RET: variants seen among roughly 807,000 people sequenced by gnomAD.
RET encodes proto-oncogene tyrosine-protein kinase receptor Ret.
RET carries 19 observed loss-of-function variants against 118.3 expected under a neutral mutation model. That is an observed-to-expected ratio of 0.16 (90% CI 0.11 to 0.24). The LOEUF (loss-of-function observed/expected upper bound fraction) is 0.24, where lower values mean the gene tolerates loss of function less well. Among genes scored for constraint, RET ranks in the 10% least tolerant of loss-of-function variants. The pLI is 1.00. For synonymous variants in RET, 597 were observed against 644.1 expected (o/e 0.93, Z 1.11); for missense variants, 1,219 against 1,502.1 (o/e 0.81, Z 3.12).
chr10:43,113,505 CT>C, intron 9 of RET, 50 bp from the exon 10 acceptor site: 1 of 1,559,716 alleles, frequency 6.4e-7, no homozygotes, highest in Non-Finnish European at 8.6e-7. Flanking sequence ...ATATGGGCGC[CT>C]GGGGTGGTCA....
intron 1 of RET, among the ~76,000 whole-genome samples, chr10:43,099,231 C>G (rs12265959): frequency 6.6e-6 from 1 of 152,076 alleles, no homozygotes; most frequent in African/African-American, 2.4e-5. Flanking sequence ...ATAGATAGGC[C>G]GGGCACGGTG....
Position 43,109,282 on chromosome 10 carries a change from TG to T in RET, c.1263+57del, listed in dbSNP as rs34903010. 1.0e-3 allele frequency: 1,636 copies of T among 1,572,882 alleles called. 18 individuals carry two copies. In the African/African-American group the frequency reaches 0.02, roughly 19 times the overall value. On this transcript the variant is annotated intron_variant, in intron 6 of 19. Coordinates refer to ENST00000355710, the MANE Select transcript of RET (RefSeq NM_020975.6). ...GGGAAGATTGAAAGGCCAAGGGACA[TG>T]GGGGCACAGGGAGGCAGGTGACACT...
intron 1 of RET, among the ~76,000 whole-genome samples, chr10:43,081,184 C>A (rs1011192257): frequency 1.3e-5 from 2 of 150,940 alleles, no homozygotes; most frequent in African/African-American, 2.4e-5. Flanking sequence ...AGAAGTGGGC[C>A]CCCCCCATCC....
intron 1 of RET, among the ~76,000 whole-genome samples, chr10:43,087,725 T>C (rs919722930): frequency 6.6e-6 from 1 of 152,206 alleles, no homozygotes; most frequent in Non-Finnish European, 1.5e-5. Context: ...AGCAGGGTTA[T>C]AAATACAACA....
intron 1 of RET, among the ~76,000 whole-genome samples, chr10:43,088,747 C>A (rs537903284): frequency 5.3e-5 from 8 of 152,182 alleles, no homozygotes; most frequent in Non-Finnish European, 1.0e-4. Context: ...TTCTCTCCAT[C>A]ACCCAGATGG....
chr10:43,088,092 G>T (rs59709975), intron 1 of RET, among the ~76,000 whole-genome samples: 7,521 of 151,946 alleles, frequency 0.049, 231 homozygotes, highest in African/African-American at 0.084. Flanking sequence ...ACGTGATAGG[G>T]ATATTGATGG....
Position 43,096,497 on chromosome 10 carries a change from C to T in RET, c.74-3962C>T, listed in dbSNP as rs530231580. 1.1e-4 allele frequency among the ~76,000 whole-genome samples: 16 copies of T among 152,306 alleles called. No individual in the cohort carries two copies. In the South Asian group the frequency reaches 3.3e-3, roughly 32 times the overall value. On this transcript the variant is annotated intron_variant, in intron 1 of 19. Coordinates refer to ENST00000355710, the MANE Select transcript of RET (RefSeq NM_020975.6). ...AATGGGCAGTGAAGGGATCTGCACC[C>T]AGTGGCTGAGTCTGCAGTGAGAGCC...
rs1564497460 is a variant in RET, at chr10:43,116,777, GC to G, written c.2284+47del. ...CAGTGCCCCTGGGGGAGTCTCCGGG[GC>G]GGGGGGCGGGTGAGGCCCCTCCTGC... is the stretch of plus-strand genomic sequence containing the variant. On this transcript the variant is annotated intron_variant, in intron 12 of 19. Coordinates refer to ENST00000355710, the MANE Select transcript of RET (RefSeq NM_020975.6). 16 of 1,155,730 alleles carry G rather than the reference GC, an allele frequency of 1.4e-5. 1 individual carries two copies. Among genetic ancestry groups the G allele is most frequent in the Admixed American group, 5.3e-5 (3 of 56,796 alleles). 71.6% of individuals were successfully genotyped at this position (1,155,730 alleles called of 1,614,324 possible).
At position 43,127,976 on chromosome 10, in the gene RET, C is replaced by G. The variant is rs1244202219; in HGVS notation, c.3188-136C>G. On this transcript the variant is annotated intron_variant, in intron 19 of 19. Coordinates refer to ENST00000355710, the MANE Select transcript of RET (RefSeq NM_020975.6). ...ACAGTGTTTTTGGAAACCTGGAACA[C>G]AAAACCATTAATATAATTGGCACAG... is the stretch of plus-strand genomic sequence containing the variant. 3 of 895,326 alleles carry G rather than the reference C, an allele frequency of 3.4e-6. No individual in the cohort carries two copies. The African/African-American group carries it at 4.9e-5, about 15-fold the overall frequency. The allele number at this position is 895,326 out of a possible 1,614,324, so 55.5% of individuals were successfully genotyped here. A position where few individuals can be genotyped will look rare whatever the true frequency, so the allele number is the denominator to read the frequency against.
At chr10:43,086,266 G>C (rs148121145) in intron 1 of RET, among the ~76,000 whole-genome samples, 752 of 152,352 alleles carry the variant, frequency 4.9e-3, no homozygotes, top group Middle Eastern at 6.8e-3. Flanking sequence ...GGGTGATGCA[G>C]ATGAAGCGCC....
intron 1 of RET, among the ~76,000 whole-genome samples, chr10:43,088,179 G>A (rs1478903099): frequency 6.6e-6 from 1 of 151,968 alleles, no homozygotes; most frequent in Non-Finnish European, 1.5e-5. Flanking sequence ...AGGCAACGGT[G>A]ATGGTGGTGG....
chr10:43,080,283 C>T (rs1564482007), intron 1 of RET, among the ~76,000 whole-genome samples: 2 of 152,244 alleles, frequency 1.3e-5, no homozygotes, highest in East Asian at 3.9e-4. Flanking sequence ...GACCTTCCCC[C>T]TCTGCAGCCT....
Position 43,129,909 on chromosome 10 carries a change from T to A in RET, c.*1640T>A. On this transcript the variant is annotated 3_prime_UTR_variant, in exon 20 of 20. Coordinates refer to ENST00000355710, the MANE Select transcript of RET (RefSeq NM_020975.6). ...CAAATATCTATAGACATGGTAAACT[T>A]TTGGTTTTCAGATATGCTTAATGAT... 2.5e-6 allele frequency: 1 copy of A among 398,996 alleles called. No individual in the cohort carries two copies. The highest frequency in any genetic ancestry group is 6.3e-4 in the Middle Eastern group (1 of 1,588). The allele number at this position is 398,996 out of a possible 1,614,324, so 24.7% of individuals were successfully genotyped here. A position where few individuals can be genotyped will look rare whatever the true frequency, so the allele number is the denominator to read the frequency against.
intron 11 of RET, among the ~76,000 whole-genome samples, chr10:43,115,560 A>G (rs555625805): frequency 1.3e-5 from 2 of 152,200 alleles, no homozygotes; most frequent in Non-Finnish European, 2.9e-5. Context: ...GCTTAGCCTC[A>G]TGGCAGGGCT....
chr10:43,096,900 A>T (rs1053928763), intron 1 of RET, among the ~76,000 whole-genome samples: 2 of 152,166 alleles, frequency 1.3e-5, no homozygotes, highest in African/African-American at 4.8e-5. Flanking sequence ...CCCACCTTGG[A>T]CCATGTGTTT....
rs1838411054 is a variant in RET at position 43,129,846 on chromosome 10, T to C, written c.*1577T>C. 1 of 397,714 alleles carries C rather than the reference T, an allele frequency of 2.5e-6. No individual in the cohort carries two copies. 24.6% of individuals were successfully genotyped at this position (397,714 alleles called of 1,614,324 possible). ...TTGGACACGTAACCTGGCTCTAATT[T>C]GGGCTGTTTTTCAGATACACTGTGA... On this transcript the variant is annotated 3_prime_UTR_variant, in exon 20 of 20. Transcript: ENST00000355710.
intron 1 of RET, among the ~76,000 whole-genome samples, chr10:43,078,292 G>T (rs958321762): frequency 1.3e-5 from 2 of 152,212 alleles, no homozygotes; most frequent in African/African-American, 4.8e-5. Context: ...GAGGGAAGGA[G>T]CCCTGGCCAT....
intron 18 of RET, among the ~76,000 whole-genome samples, chr10:43,126,251 G>A (rs979939675): frequency 6.6e-6 from 1 of 152,236 alleles, no homozygotes; most frequent in African/African-American, 2.4e-5. Flanking sequence ...GCAGCTAGAT[G>A]AGGCGTCCCC....
chr10:43,079,143 C>T (rs1837121511), intron 1 of RET, among the ~76,000 whole-genome samples: 1 of 152,192 alleles, frequency 6.6e-6, no homozygotes, highest in Non-Finnish European at 1.5e-5. Context: ...CAGGCACAGA[C>T]TGGGTCTCTA....
Sources: allele counts gnomAD v4.1 joint callset (sites outside exome capture counted in the v4.1 genomes callset), GRCh38; gene constraint gnomAD v4.1.1; transcripts MANE v1.5; gene names NCBI Gene and HGNC (gene_info 2026-07-23, HGNC 2026-07-21).